Variants in PPFIA2 observed in about 807,000 individuals in gnomAD.
PPFIA2 encodes liprin-alpha-2.
In PPFIA2, 46 loss-of-function variants were observed where a neutral mutation model predicts 175.5. The observed-to-expected ratio is 0.26, with a 90% CI of 0.21 to 0.34. The LOEUF (loss-of-function observed/expected upper bound fraction) is 0.34, where lower values mean the gene tolerates loss of function less well. PPFIA2 is among the 10% of genes least tolerant of loss of function. PPFIA2 has a pLI of 1.00. For synonymous variants in PPFIA2, 568 were observed against 511.4 expected (o/e 1.11, Z -1.49); for missense variants, 1,179 against 1,506.1 (o/e 0.78, Z 3.60).
At chr12:81,611,223 T>G (rs1218328578) in intron 4 of PPFIA2, among the ~76,000 whole-genome samples, 1 of 152,128 alleles carries the variant, frequency 6.6e-6, no homozygotes, top group Non-Finnish European at 1.5e-5. Flanking sequence ...CGAGCCTCTC[T>G]TGGGCAAAGG....
Position 81,325,797 on chromosome 12 carries a change from C to T in PPFIA2, c.2622G>A (p.Lys874=). The T allele has an allele frequency of 6.2e-7, 1 of 1,612,210 alleles. No individual in the cohort carries two copies. The highest frequency in any genetic ancestry group is 1.1e-5 in the South Asian group (1 of 91,010). The change falls in exon 22 of 33, where the codon AAG becomes AAA. Residue 874 remains lysine (K), a synonymous_variant. Coordinates refer to ENST00000549396, the MANE Select transcript of PPFIA2 (RefSeq NM_003625.5). The stretch of plus-strand genomic sequence containing the variant: ...CCTACTTTTTCTTTAGTCTTCGATC[C>T]TTCTCAGCTTGAGTTCCGAGTTTGC... ...GLGKLGTQAE[K]DRRLKKKHEL...
chr12:81,678,562 G>T (rs1298177423), intron 3 of PPFIA2, among the ~76,000 whole-genome samples: 1 of 151,766 alleles, frequency 6.6e-6, no homozygotes, highest in Non-Finnish European at 1.5e-5. Context: ...TTATTAAATG[G>T]TCTCCTTTCT....
intron 4 of PPFIA2, among the ~76,000 whole-genome samples, chr12:81,613,174 A>G (rs559590912): frequency 6.6e-6 from 1 of 152,300 alleles, no homozygotes; most frequent in South Asian, 2.1e-4. Flanking sequence ...TATAGAAATT[A>G]CATTAAAGCT....
intron 4 of PPFIA2, among the ~76,000 whole-genome samples, chr12:81,547,676 TAAC>T (rs2153360285): frequency 6.6e-6 from 1 of 152,296 alleles, no homozygotes; most frequent in Non-Finnish European, 1.5e-5. Flanking sequence ...AAAACAAAGA[TAAC>T]TGGGGAATTG....
At chr12:81,527,978 T>C (rs1336126828) in intron 4 of PPFIA2, among the ~76,000 whole-genome samples, 1 of 152,088 alleles carries the variant, frequency 6.6e-6, no homozygotes, top group Non-Finnish European at 1.5e-5. Flanking sequence ...AGCTACTCGG[T>C]TTATGGTATT....
At chr12:81,348,270 T>G (rs1218579597) in intron 17 of PPFIA2, among the ~76,000 whole-genome samples, 3 of 152,164 alleles carry the variant, frequency 2.0e-5, no homozygotes, top group Non-Finnish European at 4.4e-5. Context: ...AAAGTTTAAA[T>G]GATAGTATCC....
chr12:81,594,147 T>C (rs1473548589), intron 4 of PPFIA2, among the ~76,000 whole-genome samples: 1 of 152,024 alleles, frequency 6.6e-6, no homozygotes, highest in African/African-American at 2.4e-5. Context: ...ACATCTTAGA[T>C]CCCTTCCCTG....
At chr12:81,528,287 T>C (rs1392346508) in intron 4 of PPFIA2, among the ~76,000 whole-genome samples, 3 of 152,044 alleles carry the variant, frequency 2.0e-5, no homozygotes. Flanking sequence ...GATAGTGATA[T>C]GGGTAACAAG....
intron 7 of PPFIA2, among the ~76,000 whole-genome samples, chr12:81,427,094 G>T (rs143026293): frequency 1.3e-5 from 2 of 152,058 alleles, no homozygotes; most frequent in East Asian, 1.9e-4. Flanking sequence ...TCAGTGTAAT[G>T]GAGTTATAAA....
At position 81,461,505 on chromosome 12, in the gene PPFIA2, A is replaced by C. The variant is rs549830978; in HGVS notation, c.304-3639T>G. On this transcript the variant is annotated intron_variant, in intron 4 of 32. Coordinates refer to ENST00000549396, the MANE Select transcript of PPFIA2 (RefSeq NM_003625.5). ...TGCTAGATGCTGAAGATATGAAGATAACATAGAACAGTTGTTGCAGTTGAC... is the reference window on the plus strand; with the variant it reads ...TGCTAGATGCTGAAGATATGAAGATCACATAGAACAGTTGTTGCAGTTGAC... Among the ~76,000 whole-genome samples, 8 of 152,224 alleles carry C rather than the reference A, an allele frequency of 5.3e-5. No homozygotes were observed. In the South Asian group the frequency reaches 1.7e-3, roughly 32 times the overall value.
chr12:81,513,708 A>G (rs2062067793), intron 4 of PPFIA2, among the ~76,000 whole-genome samples: 1 of 152,040 alleles, frequency 6.6e-6, no homozygotes, highest in African/African-American at 2.4e-5. Flanking sequence ...ATGTAGTTTT[A>G]AAAATCTATG....
intron 4 of PPFIA2, among the ~76,000 whole-genome samples, chr12:81,653,951 C>T (rs948207528): frequency 1.3e-5 from 2 of 151,366 alleles, no homozygotes; most frequent in African/African-American, 4.9e-5. Flanking sequence ...TATGAGTAAA[C>T]ATATAAATAT....
At chr12:81,402,085 A>G (rs1410185320) in intron 8 of PPFIA2, among the ~76,000 whole-genome samples, 1 of 152,186 alleles carries the variant, frequency 6.6e-6, no homozygotes, top group Non-Finnish European at 1.5e-5. Context: ...CCACCGACAC[A>G]AAACATCTTC....
At chr12:81,722,179 T>C in intron 3 of PPFIA2, among the ~76,000 whole-genome samples, 1 of 151,026 alleles carries the variant, frequency 6.6e-6, no homozygotes, top group East Asian at 1.9e-4. Flanking sequence ...CTAGGAGTAT[T>C]CAATGTGACT....
chr12:81,423,825 C>T (rs1371845701), intron 7 of PPFIA2, among the ~76,000 whole-genome samples: 1 of 151,928 alleles, frequency 6.6e-6, no homozygotes, highest in Non-Finnish European at 1.5e-5. Context: ...ATGACATGAC[C>T]ACAGACATAA....
intron 4 of PPFIA2, among the ~76,000 whole-genome samples, chr12:81,635,667 G>T (rs903338758): frequency 1.3e-5 from 2 of 152,122 alleles, no homozygotes; most frequent in Non-Finnish European, 2.9e-5. Context: ...CTGTTAGCTG[G>T]AACAGCACCA....
Position 81,648,306 on chromosome 12 carries a change from T to A in PPFIA2, c.303+28485A>T, listed in dbSNP as rs141298856. ...AAAGGGGAAAATTATTAAAATGAAA[T>A]GAAACACAACAAAGTATAAAATTTC... On this transcript the variant is annotated intron_variant, in intron 4 of 32. Coordinates refer to ENST00000549396, the MANE Select transcript of PPFIA2 (RefSeq NM_003625.5). Among the ~76,000 whole-genome samples, 42 of 151,916 alleles carry A rather than the reference T, an allele frequency of 2.8e-4. 1 individual carries two copies. Among genetic ancestry groups the A allele is most frequent in the African/African-American group, 1.0e-3 (42 of 41,492 alleles).
chr12:81,462,570 G>GTATATATATATATACATATATATATA (rs1555402455), intron 4 of PPFIA2, among the ~76,000 whole-genome samples: 2 of 74,178 alleles, frequency 2.7e-5, no homozygotes, highest in African/African-American at 1.1e-4. Flanking sequence ...ATATATATGT[G>GTATATATATATATACATATATATATA]TATATATATA....
intron 5 of PPFIA2, among the ~76,000 whole-genome samples, chr12:81,447,136 AAATAAT>A (rs576032530): frequency 6.6e-6 from 1 of 151,942 alleles, no homozygotes; most frequent in Non-Finnish European, 1.5e-5. Context: ...GTCTCTACTA[AAATAAT>A]AATAATAATA....
Sources: allele counts gnomAD v4.1 joint callset (sites outside exome capture counted in the v4.1 genomes callset), GRCh38; gene constraint gnomAD v4.1.1; transcripts MANE v1.5; gene names NCBI Gene and HGNC (gene_info 2026-07-23, HGNC 2026-07-21).